Variants in HTR2C observed in about 807,000 individuals in gnomAD.
HTR2C encodes the protein 5-hydroxytryptamine receptor 2C, also known as 5-hydroxytryptamine (serotonin) receptor 2C, G protein-coupled.
A neutral mutation model predicts 21.0 loss-of-function variants in HTR2C; 5 were observed. The ratio of observed to expected loss-of-function variants is 0.24; its 90% CI spans 0.12 to 0.50. HTR2C has a LOEUF of 0.50. Ranked by LOEUF, HTR2C falls within the 20% of genes least tolerant of loss-of-function variation. The pLI, the probability that HTR2C is intolerant of heterozygous loss-of-function variation, is 0.98. For synonymous variants in HTR2C, 150 were observed against 145.3 expected, an observed-to-expected ratio of 1.03 and a Z score of -0.23; for missense variants, 271 against 371.2, an observed-to-expected ratio of 0.73 and a Z score of 2.22.
chrX:114,712,847 G>A (rs180852520), intron 2 of HTR2C, among the ~76,000 whole-genome samples: 1 of 112,135 alleles, frequency 8.9e-6, no homozygotes, highest in Admixed American at 9.5e-5. Context: ...AAAGATGTCT[G>A]TACCATTTTA....
chrX:114,775,976 T>A (rs2070053005), intron 4 of HTR2C: 1 of 383,287 alleles, frequency 2.6e-6, no homozygotes, highest in Non-Finnish European at 4.6e-6. Flanking sequence ...ATGCTTAGTG[T>A]GTTCACAAGC....
intron 5 of HTR2C, among the ~76,000 whole-genome samples, chrX:114,879,732 G>A (rs1338071087): frequency 9.0e-6 from 1 of 110,953 alleles, no homozygotes; most frequent in Non-Finnish European, 1.9e-5. Flanking sequence ...AAAATAGTCT[G>A]CAGTTCCATC....
At chrX:114,642,091 C>T (rs190840431) in intron 2 of HTR2C, among the ~76,000 whole-genome samples, 1 of 112,158 alleles carries the variant, frequency 8.9e-6, no homozygotes, top group East Asian at 2.8e-4. Flanking sequence ...CTTTTTATGG[C>T]TGCACAGTAT....
At chrX:114,896,074 G>T (rs926141473) in intron 5 of HTR2C, among the ~76,000 whole-genome samples, 2 of 110,829 alleles carry the variant, frequency 1.8e-5, no homozygotes, top group African/African-American at 3.3e-5. Context: ...ATTCTCAAAC[G>T]TTTTTCCAAT....
chrX:114,854,310 A>C (rs1556470221), intron 5 of HTR2C, among the ~76,000 whole-genome samples: 1 of 111,868 alleles, frequency 8.9e-6, no homozygotes, highest in East Asian at 2.8e-4. Flanking sequence ...AAATAACAAT[A>C]GTAAATCCAT....
At chrX:114,602,930 A>G (rs1928192237) in intron 1 of HTR2C, among the ~76,000 whole-genome samples, 2 of 106,210 alleles carry the variant, frequency 1.9e-5, no homozygotes, top group Admixed American at 1.0e-4. Flanking sequence ...CCTTGAGGAT[A>G]GATTTCCTCG....
chrX:114,622,804 A>G (rs1333681852), intron 2 of HTR2C, among the ~76,000 whole-genome samples: 1 of 111,955 alleles, frequency 8.9e-6, no homozygotes, highest in Non-Finnish European at 1.9e-5. Flanking sequence ...TTTCCACAAT[A>G]AGGGAATGCT....
At chrX:114,887,338 C>T (rs781922243) in intron 5 of HTR2C, among the ~76,000 whole-genome samples, 2 of 111,443 alleles carry the variant, frequency 1.8e-5, no homozygotes, top group South Asian at 7.5e-4. Flanking sequence ...GTCAGGGTTT[C>T]ATTAATATTA....
At chrX:114,742,998 C>T (rs1370517807) in intron 4 of HTR2C, among the ~76,000 whole-genome samples, 7 of 59,879 alleles carry the variant, frequency 1.2e-4, no homozygotes, top group African/African-American at 2.6e-4. Flanking sequence ...TTTGTTCTTG[C>T]GATAGTTTAC....
chrX:114,853,548 G>A (rs2070936742), intron 5 of HTR2C, among the ~76,000 whole-genome samples: 1 of 111,245 alleles, frequency 9.0e-6, no homozygotes, highest in South Asian at 3.7e-4. Context: ...TTCAATTTTA[G>A]TCTCTTAAAA....
intron 2 of HTR2C, among the ~76,000 whole-genome samples, chrX:114,698,315 C>T (rs1003125171): frequency 9.0e-6 from 1 of 111,143 alleles, no homozygotes; most frequent in Non-Finnish European, 1.9e-5. Context: ...GGTAAGAGAA[C>T]TTGGGTTAGC....
intron 4 of HTR2C, among the ~76,000 whole-genome samples, chrX:114,819,231 C>T (rs140712644): frequency 1.2e-3 from 134 of 111,848 alleles, no homozygotes; most frequent in African/African-American, 4.0e-3. Context: ...TCCTAAAACC[C>T]ATTTCAATAT....
At chrX:114,680,344 A>G (rs1463083441) in intron 2 of HTR2C, among the ~76,000 whole-genome samples, 1 of 112,435 alleles carries the variant, frequency 8.9e-6, no homozygotes, top group Non-Finnish European at 1.9e-5. Context: ...GAGCCTGATA[A>G]TTAAATTGAC....
chrX:114,672,482 AC>A (rs1931415758), intron 2 of HTR2C, among the ~76,000 whole-genome samples: 2 of 112,316 alleles, frequency 1.8e-5, no homozygotes, highest in South Asian at 7.2e-4. Flanking sequence ...GTAAACATTT[AC>A]TTAAGCTAAA....
rs1433415297 is a variant in HTR2C, at chrX:114,704,525, C to T, written c.-79-22333C>T. Reference sequence around the variant, plus strand: ...AATTCAACAACCTTCATGCTAAAAACTCTCAATAAATTAGTACTGATGGGA... The same window carrying T: ...AATTCAACAACCTTCATGCTAAAAATTCTCAATAAATTAGTACTGATGGGA... On this transcript the variant is annotated intron_variant, in intron 2 of 5. Coordinates refer to ENST00000276198, the MANE Select transcript of HTR2C (RefSeq NM_000868.4). Among the ~76,000 whole-genome samples the T allele has an allele frequency of 1.1e-4, 12 of 111,843 alleles. No individual in the cohort carries two copies. In the Middle Eastern group the frequency reaches 0.014, roughly 129 times the overall value.
intron 2 of HTR2C, among the ~76,000 whole-genome samples, chrX:114,683,865 A>G (rs1931830561): frequency 8.9e-6 from 1 of 111,988 alleles, no homozygotes; most frequent in Non-Finnish European, 1.9e-5. Context: ...GACCTAGTAA[A>G]AGAATGACTC....
chrX:114,671,038 T>C (rs1220064939), intron 2 of HTR2C, among the ~76,000 whole-genome samples: 1 of 112,171 alleles, frequency 8.9e-6, no homozygotes, highest in Non-Finnish European at 1.9e-5. Context: ...ATCACACTTA[T>C]GTCATTTATT....
intron 4 of HTR2C, among the ~76,000 whole-genome samples, chrX:114,737,286 G>A (rs997897892): frequency 7.6e-5 from 8 of 105,637 alleles, no homozygotes; most frequent in African/African-American, 2.5e-4. Context: ...GAGTGCAGTG[G>A]TACGATCTCG....
intron 2 of HTR2C, among the ~76,000 whole-genome samples, chrX:114,645,731 G>A (rs1351761250): frequency 1.8e-5 from 2 of 111,654 alleles, no homozygotes; most frequent in African/African-American, 6.5e-5. Flanking sequence ...GGTGATTTAT[G>A]CAAGTTCAGG....
Sources: gnomAD v4.1 joint callset for allele counts (sites outside exome capture counted in the v4.1 genomes callset) on GRCh38, gnomAD v4.1.1 for gene constraint, MANE v1.5 for transcripts, NCBI Gene and HGNC (gene_info 2026-07-23, HGNC 2026-07-21) for gene names.